Variants in CCDC192 observed in about 807,000 individuals in gnomAD.
CCDC192 encodes the protein coiled-coil domain containing 192.
chr5:127,869,179 C>T (rs1751739694), intron 5 of CCDC192, among the ~76,000 whole-genome samples: 1 of 152,118 alleles, frequency 6.6e-6, no homozygotes, highest in African/African-American at 2.4e-5. Flanking sequence ...AAAAAATTAG[C>T]TGTGCCTGGT....
intron 3 of CCDC192, among the ~76,000 whole-genome samples, chr5:127,773,720 A>G (rs1025636102): frequency 6.6e-6 from 1 of 152,236 alleles, no homozygotes; most frequent in Non-Finnish European, 1.5e-5. Context: ...TATTATGAAT[A>G]AATATTTGTA....
chr5:127,746,277 C>T (rs1229401888), intron 2 of CCDC192, among the ~76,000 whole-genome samples: 1 of 152,158 alleles, frequency 6.6e-6, no homozygotes, highest in Non-Finnish European at 1.5e-5. Flanking sequence ...AATAACAGTC[C>T]TCGTTTATGC....
intron 3 of CCDC192, among the ~76,000 whole-genome samples, chr5:127,760,957 T>C (rs1412346440): frequency 6.7e-6 from 1 of 150,280 alleles, no homozygotes; most frequent in Non-Finnish European, 1.5e-5. Context: ...ATTATGTGTA[T>C]GTTGTCAGAA....
At position 127,913,966 on chromosome 5, in the gene CCDC192, A is replaced by G. The variant is rs775830398; in HGVS notation, c.536-27216A>G. Among the ~76,000 whole-genome samples, 23 of 152,240 alleles carry G rather than the reference A, an allele frequency of 1.5e-4. 1 individual carries two copies. The highest frequency in any genetic ancestry group is 2.9e-5 in the Non-Finnish European group (2 of 68,022). On this transcript the variant is annotated intron_variant, in intron 6 of 6. Transcript: ENST00000514853. ...TTGAGTTTGCTTTGACTGGTATTTT[A>G]TGGTATATTTGTATGAATGTGAATA... is the stretch of plus-strand genomic sequence containing the variant.
intron 2 of CCDC192, among the ~76,000 whole-genome samples, chr5:127,722,791 AT>A (rs1386418181): frequency 5.9e-5 from 9 of 152,094 alleles, no homozygotes; most frequent in Non-Finnish European, 1.2e-4. Flanking sequence ...TTATTTCTGC[AT>A]TCTCTATTTT....
intron 2 of CCDC192, among the ~76,000 whole-genome samples, chr5:127,746,977 T>C (rs999752674): frequency 6.6e-6 from 1 of 151,848 alleles, no homozygotes; most frequent in Non-Finnish European, 1.5e-5. Flanking sequence ...CATCAGGAAA[T>C]GCACACATGT....
At chr5:127,908,192 C>CT (rs1004905992) in intron 6 of CCDC192, among the ~76,000 whole-genome samples, 52 of 151,978 alleles carry the variant, frequency 3.4e-4, no homozygotes, top group Non-Finnish European at 5.3e-4. Flanking sequence ...TAACTTCATG[C>CT]TTTTTTTTGT....
Position 127,857,110 on chromosome 5 carries a change from C to T in CCDC192, c.412-18428C>T, listed in dbSNP as rs148011435. On this transcript the variant is annotated intron_variant, in intron 5 of 6. Transcript: ENST00000514853. ...TATGCCTGCATTCTCATGGAAATCT[C>T]AAAAGCCTCTCAAATAATTCAACAT... Among the ~76,000 whole-genome samples the T allele has an allele frequency of 4.4e-3, 672 of 152,266 alleles. 6 individuals are homozygous for T. Among genetic ancestry groups the T allele is most frequent in the African/African-American group, 0.016 (651 of 41,564 alleles).
intron 5 of CCDC192, among the ~76,000 whole-genome samples, chr5:127,838,142 C>T (rs181902282): frequency 4.6e-5 from 7 of 152,338 alleles, no homozygotes; most frequent in African/African-American, 1.7e-4. Flanking sequence ...CTTTCATCTC[C>T]CTGACTCCTA....
chr5:127,876,957 C>A (rs928152301), intron 6 of CCDC192, among the ~76,000 whole-genome samples: 9 of 152,074 alleles, frequency 5.9e-5, no homozygotes, highest in Admixed American at 1.3e-4. Context: ...ACCATGAAAC[C>A]TAAAAGAATA....
intron 2 of CCDC192, among the ~76,000 whole-genome samples, chr5:127,753,856 TTC>T (rs1436784482): frequency 1.3e-5 from 2 of 152,198 alleles, no homozygotes; most frequent in Admixed American, 1.3e-4. Context: ...GAAACAGGGT[TTC>T]TCTGAGTTCA....
chr5:127,733,886 T>A (rs1171516972), intron 2 of CCDC192, among the ~76,000 whole-genome samples: 2 of 150,592 alleles, frequency 1.3e-5, no homozygotes, highest in East Asian at 3.9e-4. Context: ...TATTTCCACC[T>A]GAGAATTTGT....
chr5:127,738,847 T>G (rs1210870919), intron 2 of CCDC192, among the ~76,000 whole-genome samples: 1 of 152,094 alleles, frequency 6.6e-6, no homozygotes, highest in South Asian at 2.1e-4. Flanking sequence ...TTTTTTTCAG[T>G]TTTCAACTTC....
rs150611242 is a variant in CCDC192, at chr5:127,872,461, C to T, written c.412-3077C>T. ...TTGAGGGCTGAGATGTCCATTTACTCATGTGCTGTGCCCCTCGGGGAGCTG... is the reference window on the plus strand; with the variant it reads ...TTGAGGGCTGAGATGTCCATTTACTTATGTGCTGTGCCCCTCGGGGAGCTG... On this transcript the variant is annotated intron_variant, in intron 5 of 6. Transcript: ENST00000514853. Among the ~76,000 whole-genome samples the T allele has an allele frequency of 2.2e-4, 34 of 152,308 alleles. No homozygotes were observed. In the East Asian group the frequency reaches 4.2e-3, roughly 19 times the overall value.
intron 1 of CCDC192, among the ~76,000 whole-genome samples, chr5:127,704,758 TAA>T (rs1750864289): frequency 6.6e-6 from 1 of 151,932 alleles, no homozygotes; most frequent in South Asian, 2.1e-4. Flanking sequence ...ACAAAGCAGC[TAA>T]AGAGATAACA....
intron 5 of CCDC192, among the ~76,000 whole-genome samples, chr5:127,846,972 C>A (rs751114411): frequency 2.0e-5 from 3 of 152,126 alleles, no homozygotes; most frequent in Non-Finnish European, 2.9e-5. Context: ...CACAGTCCCC[C>A]TCTTGTGCAG....
chr5:127,820,508 T>C (rs563618599), intron 5 of CCDC192, among the ~76,000 whole-genome samples: 2 of 152,206 alleles, frequency 1.3e-5, no homozygotes, highest in East Asian at 1.9e-4. Context: ...CTTGAACCCA[T>C]GATGCAGAGG....
intron 3 of CCDC192, among the ~76,000 whole-genome samples, chr5:127,778,352 T>A (rs1005862674): frequency 6.6e-6 from 1 of 152,216 alleles, no homozygotes. Flanking sequence ...TTTGTCAATT[T>A]TTTTGCATCT....
At chr5:127,747,498 G>A (rs1348671346) in intron 2 of CCDC192, among the ~76,000 whole-genome samples, 1 of 152,064 alleles carries the variant, frequency 6.6e-6, no homozygotes, top group Non-Finnish European at 1.5e-5. Context: ...TCTTAATCCA[G>A]TCTGTCATTG....
Sources: allele counts gnomAD v4.1 joint callset (sites outside exome capture counted in the v4.1 genomes callset), GRCh38; gene constraint gnomAD v4.1.1; transcripts MANE v1.5; gene names NCBI Gene and HGNC (gene_info 2026-07-23, HGNC 2026-07-21).